Variants in LAMB3 observed in about 807,000 individuals in gnomAD.
The protein encoded by LAMB3 is laminin subunit beta-3.
A neutral mutation model predicts 140.3 loss-of-function variants in LAMB3; 104 were observed. That is an observed-to-expected ratio of 0.74 (90% CI 0.63 to 0.87). LAMB3 has a LOEUF of 0.87. LAMB3 is among the 40% of genes least tolerant of loss of function. The probability of loss-of-function intolerance (pLI) is 0.00; values close to 1 mark genes in which losing one functional copy is unlikely to be tolerated. For missense variants in LAMB3, 1,531 were observed against 1,575.2 expected (o/e 0.97, Z 0.47); for synonymous variants, 592 against 602.9 (o/e 0.98, Z 0.26).
intron 18 of LAMB3, among the ~76,000 whole-genome samples, chr1:209,621,776 C>T (rs2102411328): frequency 1.3e-5 from 2 of 152,292 alleles, no homozygotes; most frequent in Middle Eastern, 3.4e-3. Flanking sequence ...CCTCACTCCC[C>T]AGAGCAGTGA....
chr1:209,625,883 A>C lies in LAMB3; in HGVS notation c.1741T>G (p.Cys581Gly). 1 of 1,613,970 alleles carries C rather than the reference A, an allele frequency of 6.2e-7. No individual in the cohort carries two copies. The highest frequency in any genetic ancestry group is 8.5e-7 in the Non-Finnish European group (1 of 1,179,942). Reference protein sequence around the residue: ...YCNRYPVCVACHPCFQTYDAD... With the variant: ...YCNRYPVCVAGHPCFQTYDAD... ...TCATAGGTCTGGAAGCAAGGGTGGC[A>C]GGCCACGCACACCGGGTAGCGATTA... Residue 581 changes from cysteine to glycine, a missense_variant, in exon 14 of 23, where the codon TGC becomes GGC. Transcript: ENST00000356082.
intron 3 of LAMB3, among the ~76,000 whole-genome samples, chr1:209,640,539 C>T (rs1438874070): frequency 6.6e-6 from 1 of 151,650 alleles, no homozygotes; most frequent in Non-Finnish European, 1.5e-5. Flanking sequence ...CAGAGCGAGA[C>T]TCTGTCTCAA....
intron 3 of LAMB3, among the ~76,000 whole-genome samples, chr1:209,641,811 C>CTCCAGA (rs1293916151): frequency 6.6e-6 from 1 of 152,222 alleles, no homozygotes; most frequent in African/African-American, 2.4e-5. Context: ...CCTGACTCCC[C>CTCCAGA]TCCAGACCCC....
At chr1:209,624,099 C>T in intron 14 of LAMB3, 99 bp from the exon 15 acceptor site, 1 of 1,073,986 alleles carries the variant, frequency 9.3e-7, no homozygotes, top group Non-Finnish European at 1.4e-6. Context: ...TCAGAACAAA[C>T]AGAGACCTTG....
At chr1:209,645,776 G>A (rs989011800) in intron 3 of LAMB3, among the ~76,000 whole-genome samples, 43 of 150,240 alleles carry the variant, frequency 2.9e-4, no homozygotes, top group Non-Finnish European at 3.5e-4. Flanking sequence ...AAAATCCCTT[G>A]TGGGTTGAGT....
At chr1:209,645,906 A>G (rs1050957016) in intron 3 of LAMB3, among the ~76,000 whole-genome samples, 2 of 152,326 alleles carry the variant, frequency 1.3e-5, no homozygotes, top group African/African-American at 2.4e-5. Flanking sequence ...TGTGTGTGTC[A>G]GCGGGCAGGG....
rs1665913430 is a variant in LAMB3 at position 209,615,301 on chromosome 1, C to A, written c.3489G>T (p.Gly1163=). ...TGCAGGTGGCATAGTAGAGCACGCGCCCATTGATGTGGTCACGGATCTGCT... is the reference window on the plus strand; with the variant it reads ...TGCAGGTGGCATAGTAGAGCACGCGACCATTGATGTGGTCACGGATCTGCT... The part of the protein sequence containing the change: ...RVEQIRDHIN[G]RVLYYATCK Residue 1163 remains glycine (G), a synonymous_variant, in exon 23 of 23, where the codon GGG becomes GGT. Transcript: ENST00000356082. The A allele has an allele frequency of 6.2e-7, 1 of 1,614,040 alleles. No individual in the cohort carries two copies. Among genetic ancestry groups the A allele is most frequent in the South Asian group, 1.1e-5 (1 of 91,088 alleles).
At chr1:209,624,111 G>C in intron 14 of LAMB3, 111 bp from the exon 15 acceptor site, 1 of 923,392 alleles carries the variant, frequency 1.1e-6, no homozygotes, top group East Asian at 2.6e-5. Flanking sequence ...GAGACCTTGG[G>C]CAAAGGCAAC....
intron 1 of LAMB3, chr1:209,651,497 A>C: frequency 5.9e-6 from 1 of 168,496 alleles, no homozygotes; most frequent in Non-Finnish European, 1.3e-5. Flanking sequence ...GGCCTCCAAT[A>C]CCATTCAGGG....
At chr1:209,640,671 C>T (rs1198171949) in intron 3 of LAMB3, among the ~76,000 whole-genome samples, 1 of 152,106 alleles carries the variant, frequency 6.6e-6, no homozygotes, top group Non-Finnish European at 1.5e-5. Flanking sequence ...TGACACATTG[C>T]ATATTTACTG....
At chr1:209,630,330 A>G (rs529043034) in intron 9 of LAMB3, among the ~76,000 whole-genome samples, 1 of 152,300 alleles carries the variant, frequency 6.6e-6, no homozygotes, top group South Asian at 2.1e-4. Context: ...AGCCATTTGA[A>G]GTAGGAAAAA....
In LAMB3 at chr1:209,623,050, A is replaced by G. The variant is rs966743285; in HGVS notation, c.2488T>C (p.Leu830=). 6.2e-7 allele frequency: 1 copy of G among 1,614,152 alleles called. No individual in the cohort carries two copies. The highest frequency in any genetic ancestry group is 8.5e-7 in the Non-Finnish European group (1 of 1,180,018). Residue 830 remains leucine, a synonymous_variant, in exon 17 of 23, where the codon TTG becomes CTG. Transcript: ENST00000356082. This position sits in a 1 kb window ranked among gnomAD's most constrained non-coding sequence, Gnocchi z 4.2. ...TGCTCAGCCACCTGCCCCGCCATCA[A>G]GAAGGCCCCACCGGCCCTGGGAAGG... is the stretch of plus-strand genomic sequence containing the variant. ...GVLPRAGGAF[L]MAGQVAEQLR...
chr1:209,641,170 G>A (rs1325844446), intron 3 of LAMB3, among the ~76,000 whole-genome samples: 2 of 149,150 alleles, frequency 1.3e-5, no homozygotes, highest in African/African-American at 4.9e-5. Context: ...TTGAATAAAC[G>A]AATAGCAAAT....
chr1:209,645,676 A>C (rs927915956), intron 3 of LAMB3, among the ~76,000 whole-genome samples: 1 of 149,692 alleles, frequency 6.7e-6, no homozygotes, highest in Non-Finnish European at 1.5e-5. Flanking sequence ...AGATCATGCC[A>C]CTGTACTCCA....
rs1666314107 is a variant in LAMB3 at position 209,623,837 on chromosome 1, C to T, written c.2137+3G>A. Reference sequence around the variant, plus strand: ...GGGGTTATCCGGGTGCCCCTCTCCTCACCTGAAGGATCAGCACTGCTTATT... The same window carrying T: ...GGGGTTATCCGGGTGCCCCTCTCCTTACCTGAAGGATCAGCACTGCTTATT... On this transcript the variant is annotated splice_donor_region_variant and intron_variant, in intron 15 of 22. Coordinates refer to ENST00000356082, the MANE Select transcript of LAMB3 (RefSeq NM_000228.3). The surrounding 1 kb of genome is among the most constrained non-coding windows in gnomAD (Gnocchi z 4.2). The T allele has an allele frequency of 1.2e-6, 2 of 1,614,088 alleles. No individual in the cohort carries two copies. The highest frequency in any genetic ancestry group is 1.3e-5 in the African/African-American group (1 of 74,944).
At chr1:209,634,371 G>C in intron 6 of LAMB3, 76 bp downstream of exon 6, 1 of 1,459,728 alleles carries the variant, frequency 6.9e-7, no homozygotes, top group Non-Finnish European at 9.6e-7. Flanking sequence ...CTTCTCAGGA[G>C]TCCGTGTGGC....
At chr1:209,649,663 C>T (rs2076547641) in intron 3 of LAMB3, among the ~76,000 whole-genome samples, 1 of 152,170 alleles carries the variant, frequency 6.6e-6, no homozygotes, top group Admixed American at 6.5e-5. Flanking sequence ...TTGCCTATTC[C>T]CAAGACTTGA....
rs1666475359 is a variant in LAMB3, at chr1:209,626,847, C to T, written c.1597+20G>A. On this transcript the variant is annotated intron_variant, in intron 13 of 22. Transcript: ENST00000356082. ...CTCGGCCCCCAGAGCCTCAGCGTCC[C>T]CCAGGCTTTGAGCATGCACCTCGGC... is the stretch of plus-strand genomic sequence containing the variant. The T allele has an allele frequency of 1.3e-6, 2 of 1,597,218 alleles. No homozygotes were observed. Among genetic ancestry groups the T allele is most frequent in the Non-Finnish European group, 1.7e-6 (2 of 1,165,390 alleles).
intron 12 of LAMB3, among the ~76,000 whole-genome samples, 161 bp downstream of exon 12, chr1:209,627,222 G>A (rs1482640610): frequency 6.6e-6 from 1 of 152,228 alleles, no homozygotes; most frequent in African/African-American, 2.4e-5. Context: ...AGCCACAGAG[G>A]GAGGGACATC....
Sources: allele counts gnomAD v4.1 joint callset (sites outside exome capture counted in the v4.1 genomes callset), GRCh38; gene constraint gnomAD v4.1.1; non-coding constraint Gnocchi (gnomAD v3.1); transcripts MANE v1.5; gene names NCBI Gene and HGNC (gene_info 2026-07-23, HGNC 2026-07-21).